DLC1: variants seen among roughly 807,000 people sequenced by gnomAD.
DLC1 encodes DLC1 Rho GTPase activating protein.
Under a neutral mutation model 140.3 loss-of-function variants are expected in DLC1, and 54 were observed. The ratio of observed to expected loss-of-function variants is 0.38; its 90% CI spans 0.31 to 0.48. The LOEUF (loss-of-function observed/expected upper bound fraction) is 0.48, where lower values mean the gene tolerates loss of function less well. DLC1 is among the 20% of genes least tolerant of loss of function. DLC1 has a pLI of 0.96. For synonymous variants in DLC1, 986 were observed against 728.1 expected (o/e 1.35, Z -5.70); for missense variants, 2,536 against 1,907.0 (o/e 1.33, Z -6.14).
chr8:13,368,451 A>T (rs76971960), intron 4 of DLC1, among the ~76,000 whole-genome samples: 1 of 152,046 alleles, frequency 6.6e-6, no homozygotes, highest in Non-Finnish European at 1.5e-5. Context: ...ATTTGCCCCA[A>T]GGAAATCATG....
intron 6 of DLC1, among the ~76,000 whole-genome samples, chr8:13,113,302 A>G (rs1302281914): frequency 6.6e-6 from 1 of 152,110 alleles, no homozygotes; most frequent in African/African-American, 2.4e-5. Context: ...GTGGGTTGGT[A>G]TGGGGTGTAT....
intron 4 of DLC1, among the ~76,000 whole-genome samples, chr8:13,384,692 G>C (rs1014614981): frequency 5.3e-5 from 8 of 152,036 alleles, no homozygotes; most frequent in Non-Finnish European, 1.0e-4. Flanking sequence ...TCAATGATTT[G>C]GGCCAGCAGA....
intron 4 of DLC1, among the ~76,000 whole-genome samples, chr8:13,383,273 C>T (rs772235726): frequency 6.6e-6 from 1 of 152,154 alleles, no homozygotes; most frequent in Non-Finnish European, 1.5e-5. Context: ...GTGACACTTA[C>T]GTGCCTTCTG....
intron 5 of DLC1, among the ~76,000 whole-genome samples, chr8:13,229,467 C>A (rs946662612): frequency 6.6e-6 from 1 of 151,996 alleles, no homozygotes; most frequent in East Asian, 1.9e-4. Flanking sequence ...AAAATGATTG[C>A]TAATGGGTAT....
At chr8:13,380,099 T>G (rs1836185029) in intron 4 of DLC1, among the ~76,000 whole-genome samples, 1 of 152,006 alleles carries the variant, frequency 6.6e-6, no homozygotes, top group Non-Finnish European at 1.5e-5. Flanking sequence ...TCACCACCAC[T>G]CCCATAAAAG....
At chr8:13,255,212 C>A (rs1830170509) in intron 5 of DLC1, among the ~76,000 whole-genome samples, 1 of 152,110 alleles carries the variant, frequency 6.6e-6, no homozygotes, top group Non-Finnish European at 1.5e-5. Flanking sequence ...CTCAAGTGAT[C>A]TGCCCACCTA....
At chr8:13,146,301 C>T (rs117764483) in intron 5 of DLC1, among the ~76,000 whole-genome samples, 1 of 150,994 alleles carries the variant, frequency 6.6e-6, no homozygotes. Flanking sequence ...CACTGTAATA[C>T]GTAATAGTTG....
At chr8:13,357,482 G>T (rs1417642045) in intron 4 of DLC1, among the ~76,000 whole-genome samples, 1 of 152,208 alleles carries the variant, frequency 6.6e-6, no homozygotes, top group Non-Finnish European at 1.5e-5. Flanking sequence ...ATATAGAAGA[G>T]CACTGATGAC....
intron 2 of DLC1, among the ~76,000 whole-genome samples, chr8:13,475,230 AG>A (rs1800385992): frequency 6.6e-6 from 1 of 152,236 alleles, no homozygotes; most frequent in Admixed American, 6.5e-5. Context: ...CGTTTATATC[AG>A]GGTTGAATTT....
intron 5 of DLC1, among the ~76,000 whole-genome samples, chr8:13,273,287 C>T (rs1010700218): frequency 1.3e-5 from 2 of 152,194 alleles, no homozygotes; most frequent in Non-Finnish European, 2.9e-5. Flanking sequence ...TCATCCAGCA[C>T]AAAGCTGTCC....
intron 5 of DLC1, among the ~76,000 whole-genome samples, chr8:13,164,791 T>C (rs1254292140): frequency 6.6e-6 from 1 of 152,238 alleles, no homozygotes; most frequent in Non-Finnish European, 1.5e-5. Context: ...GTCAATGGCA[T>C]TGTACTAAAA....
chr8:13,362,753 C>T (rs1352660501), intron 4 of DLC1, among the ~76,000 whole-genome samples: 1 of 152,152 alleles, frequency 6.6e-6, no homozygotes, highest in Non-Finnish European at 1.5e-5. Context: ...GCCACACTGG[C>T]CCCTTCCCGT....
At chr8:13,245,877 T>G (rs1020527228) in intron 5 of DLC1, among the ~76,000 whole-genome samples, 4 of 152,000 alleles carry the variant, frequency 2.6e-5, no homozygotes, top group African/African-American at 9.7e-5. Flanking sequence ...ATTTTTTGTA[T>G]TTTTAGTAGA....
Position 13,100,049 on chromosome 8 carries a change from C to G in DLC1, c.2288G>C (p.Arg763Pro). Residue 763 changes from arginine to proline, a missense_variant, in exon 9 of 18, where the codon CGG becomes CCG. Transcript: ENST00000276297. ...CCGCTTGTTGCACGCACTGAGGCTC[C>G]GGGTCCTCGTAACAGGGCTGGGCGT... ...VSTPSPVTRT[R>P]SLSACNKRVG... 1 of 1,613,188 alleles carries G rather than the reference C, an allele frequency of 6.2e-7. No individual in the cohort carries two copies.
At chr8:13,542,166 G>A (rs939309976) in intron 1 of DLC1, among the ~76,000 whole-genome samples, 1 of 152,012 alleles carries the variant, frequency 6.6e-6, no homozygotes, top group African/African-American at 2.4e-5. Flanking sequence ...TTTTTTGTTT[G>A]TTTCCTTTCA....
intron 4 of DLC1, among the ~76,000 whole-genome samples, chr8:13,365,919 G>C (rs1234661091): frequency 1.3e-5 from 2 of 152,132 alleles, no homozygotes; most frequent in African/African-American, 2.4e-5. Context: ...CTCACAGCAG[G>C]CCTGTCTGGA....
At chr8:13,122,455 C>CAA (rs1489681966) in intron 5 of DLC1, among the ~76,000 whole-genome samples, 1 of 150,848 alleles carries the variant, frequency 6.6e-6, no homozygotes, top group Non-Finnish European at 1.5e-5. Context: ...ACTTTTTGCA[C>CAA]AAAGGAATTA....
intron 2 of DLC1, among the ~76,000 whole-genome samples, chr8:13,422,421 A>G (rs1183718687): frequency 1.3e-5 from 2 of 151,920 alleles, no homozygotes; most frequent in Admixed American, 6.6e-5. Flanking sequence ...TTTCTTACCA[A>G]TGAGTATGTT....
intron 5 of DLC1, among the ~76,000 whole-genome samples, chr8:13,167,005 A>G (rs781636708): frequency 6.6e-6 from 1 of 152,168 alleles, no homozygotes; most frequent in Non-Finnish European, 1.5e-5. Flanking sequence ...AATTTTGCCT[A>G]GTTCATCTCC....
Sources: gnomAD v4.1 joint callset for allele counts (sites outside exome capture counted in the v4.1 genomes callset) on GRCh38, gnomAD v4.1.1 for gene constraint, MANE v1.5 for transcripts, NCBI Gene and HGNC (gene_info 2026-07-23, HGNC 2026-07-21) for gene names.